MBD5: variants seen among roughly 807,000 people sequenced by gnomAD.
The protein encoded by MBD5 is methyl-CpG-binding domain protein 5.
MBD5 carries 13 observed loss-of-function variants against 117.3 expected under a neutral mutation model. The ratio of observed to expected loss-of-function variants is 0.11; its 90% CI spans 0.07 to 0.18. The LOEUF (loss-of-function observed/expected upper bound fraction) is 0.18, where lower values mean the gene tolerates loss of function less well. MBD5 is among the 10% of genes least tolerant of loss of function. MBD5 has a pLI of 1.00. For missense variants in MBD5, 1,879 were observed against 2,093.8 expected, an observed-to-expected ratio of 0.90 and a Z score of 2.00; for synonymous variants, 727 against 766.4, an observed-to-expected ratio of 0.95 and a Z score of 0.85.
intron 1 of MBD5, among the ~76,000 whole-genome samples, chr2:148,081,441 C>T (rs1695645241): frequency 6.6e-6 from 1 of 152,168 alleles, no homozygotes; most frequent in African/African-American, 2.4e-5. Context: ...TGTTCTCTCA[C>T]CATCTCTCCT....
intron 2 of MBD5, among the ~76,000 whole-genome samples, chr2:148,188,552 G>A (rs1364263348): frequency 6.6e-6 from 1 of 151,838 alleles, no homozygotes; most frequent in Admixed American, 6.6e-5. Context: ...CAGGCATACT[G>A]GTGTAAACCT....
intron 4 of MBD5, among the ~76,000 whole-genome samples, chr2:148,401,715 A>G (rs1559055919): frequency 6.6e-6 from 1 of 152,178 alleles, no homozygotes; most frequent in Admixed American, 6.5e-5. Flanking sequence ...AAACTAAGAC[A>G]TTAACATTGG....
chr2:148,371,011 T>C (rs931454360), intron 4 of MBD5, among the ~76,000 whole-genome samples: 4 of 152,180 alleles, frequency 2.6e-5, no homozygotes, highest in African/African-American at 9.7e-5. Flanking sequence ...AGAAGGAATA[T>C]TGTTATTCTC....
intron 8 of MBD5, among the ~76,000 whole-genome samples, chr2:148,472,953 A>G (rs946900181): frequency 6.6e-6 from 1 of 152,170 alleles, no homozygotes; most frequent in Admixed American, 6.6e-5. Context: ...CGTATCATAC[A>G]TAACTGAATC....
At chr2:148,060,762 C>T (rs1007119358) in intron 1 of MBD5, among the ~76,000 whole-genome samples, 1 of 151,950 alleles carries the variant, frequency 6.6e-6, no homozygotes, top group Non-Finnish European at 1.5e-5. Context: ...CCCTAAATGC[C>T]TTACTTTAGT....
At chr2:148,145,197 TC>T (rs1646524044) in intron 1 of MBD5, among the ~76,000 whole-genome samples, 1 of 152,178 alleles carries the variant, frequency 6.6e-6, no homozygotes, top group Admixed American at 6.5e-5. Context: ...GGTGTTTTGT[TC>T]TCTTTGAAGC....
rs575213207 is a variant in MBD5 at position 148,382,460 on chromosome 2, C to A, written c.-557+40124C>A. 1.5e-4 allele frequency among the ~76,000 whole-genome samples: 23 copies of A among 152,214 alleles called. No individual in the cohort carries two copies. The South Asian group carries it at 4.8e-3, about 32-fold the overall frequency. On this transcript the variant is annotated intron_variant, in intron 4 of 13. Transcript: ENST00000642680. ...GAGCACCCGGATTCATAAAGCAAGT[C>A]CTTAGTGACCTACAAAGTGACTTAG... is the stretch of plus-strand genomic sequence containing the variant.
intron 1 of MBD5, among the ~76,000 whole-genome samples, chr2:148,081,789 C>A (rs1007126313): frequency 2.0e-5 from 3 of 152,124 alleles, no homozygotes; most frequent in African/African-American, 7.2e-5. Context: ...GTTCCTTCCC[C>A]ATTCTTATTC....
chr2:148,202,058 C>G (rs1191094578), intron 2 of MBD5, among the ~76,000 whole-genome samples: 1 of 152,148 alleles, frequency 6.6e-6, no homozygotes, highest in Non-Finnish European at 1.5e-5. Context: ...GTTTCACTGG[C>G]CCTGCCTCTA....
chr2:148,433,536 T>G (rs995398888), intron 4 of MBD5, among the ~76,000 whole-genome samples: 5 of 152,150 alleles, frequency 3.3e-5, no homozygotes, highest in East Asian at 1.9e-4. Flanking sequence ...CAATGCCTAG[T>G]TTATTGGCAG....
chr2:148,369,583 G>T (rs1464100468), intron 4 of MBD5, among the ~76,000 whole-genome samples: 1 of 152,080 alleles, frequency 6.6e-6, no homozygotes, highest in East Asian at 1.9e-4. Context: ...TGGATAAAGA[G>T]TTACAAGAGT....
intron 3 of MBD5, among the ~76,000 whole-genome samples, chr2:148,255,545 C>T (rs1381090077): frequency 6.6e-6 from 1 of 152,202 alleles, no homozygotes; most frequent in African/African-American, 2.4e-5. Context: ...TTCTATTCCC[C>T]TGCCTTCAGG....
In MBD5 at chr2:148,483,262, T is replaced by C; in HGVS notation, c.2671T>C (p.Phe891Leu). Residue 891 changes from phenylalanine (F) to leucine (L), a missense_variant, in exon 9 of 14, where the codon TTT (phenylalanine) becomes CTT (leucine). Phe to Leu is a conservative substitution (Grantham distance 22, BLOSUM62 0). Transcript: ENST00000642680. ...SQLPIGSDFP[F>L]VGQEHALHFP... ...GCTACCCATTGGGAGTGATTTTCCTTTTGTTGGCCAGGAGCACGCACTTCA... is the reference window on the plus strand; with the variant it reads ...GCTACCCATTGGGAGTGATTTTCCTCTTGTTGGCCAGGAGCACGCACTTCA... 6.2e-7 allele frequency: 1 copy of C among 1,614,046 alleles called. No homozygotes were observed. Among genetic ancestry groups the C allele is most frequent in the Non-Finnish European group, 8.5e-7 (1 of 1,179,972 alleles).
At chr2:148,078,553 T>A (rs2105138067) in intron 1 of MBD5, among the ~76,000 whole-genome samples, 1 of 152,338 alleles carries the variant, frequency 6.6e-6, no homozygotes, top group South Asian at 2.1e-4. Flanking sequence ...CCTTGTATAG[T>A]CATTTTATTG....
chr2:148,483,889 A>G lies in MBD5; in HGVS notation c.3298A>G (p.Asn1100Asp). The change falls in exon 9 of 14, where the codon AAC becomes GAC. Residue 1100 changes from asparagine (N) to aspartate (D), a missense_variant. Transcript: ENST00000642680. ...LGGVLNSASA[N>D]TANHPEVSIA... is the part of the protein sequence containing the mutation. ...AGGTGTCCTGAACTCGGCATCGGCCAACACCGCTAATCATCCAGAGGTTTC... is the reference window on the plus strand; with the variant it reads ...AGGTGTCCTGAACTCGGCATCGGCCGACACCGCTAATCATCCAGAGGTTTC... The G allele has an allele frequency of 6.4e-7, 1 of 1,550,596 alleles. No individual in the cohort carries two copies. Among genetic ancestry groups the G allele is most frequent in the Non-Finnish European group, 8.7e-7 (1 of 1,146,982 alleles).
chr2:148,308,491 CTTTTT>C (rs60650324), intron 3 of MBD5, among the ~76,000 whole-genome samples: 47 of 66,790 alleles, frequency 7.0e-4, no homozygotes, highest in African/African-American at 1.6e-3. Flanking sequence ...GGGGTTCTTT[CTTTTT>C]TTTTTTTTTT....
rs752275705 is a variant in MBD5, at chr2:148,489,514, G to A, written c.3882G>A (p.Pro1294=). 11 of 1,614,154 alleles carry A rather than the reference G, an allele frequency of 6.8e-6. No individual in the cohort carries two copies. The highest frequency in any genetic ancestry group is 5.0e-5 in the Admixed American group (3 of 60,018). Residue 1294 remains proline, a synonymous_variant, in exon 11 of 14, where the codon CCG becomes CCA. Coordinates refer to ENST00000642680, the MANE Select transcript of MBD5 (RefSeq NM_001378120.1). ...AAGATACACCTTGTGAGTTGCAACC[G>A]AGGATTGACCCATCTCTTGGTCAAC... ...PFQDTPCELQ[P]RIDPSLGQQV...
chr2:148,281,296 T>C (rs1170208434), intron 3 of MBD5, among the ~76,000 whole-genome samples: 1 of 152,208 alleles, frequency 6.6e-6, no homozygotes, highest in African/African-American at 2.4e-5. Context: ...TCTCAGTGAA[T>C]TGCTCAATCC....
At chr2:148,451,120 C>A (rs966536889) in intron 4 of MBD5, among the ~76,000 whole-genome samples, 1 of 152,112 alleles carries the variant, frequency 6.6e-6, no homozygotes, top group Non-Finnish European at 1.5e-5. Flanking sequence ...GTGGCAGGGG[C>A]AGGAGAGATT....
Sources: allele counts gnomAD v4.1 joint callset (sites outside exome capture counted in the v4.1 genomes callset), GRCh38; gene constraint gnomAD v4.1.1; transcripts MANE v1.5; gene names NCBI Gene and HGNC (gene_info 2026-07-23, HGNC 2026-07-21).